Variants in LSAMP observed in about 807,000 individuals in gnomAD.
The protein encoded by LSAMP is limbic system-associated membrane protein.
A neutral mutation model predicts 38.6 loss-of-function variants in LSAMP; 7 were observed. That is an observed-to-expected ratio of 0.18 (90% CI 0.10 to 0.34). The LOEUF is 0.34. Among genes scored for constraint, LSAMP ranks in the 10% least tolerant of loss-of-function variants. The pLI, the probability that LSAMP is intolerant of heterozygous loss-of-function variation, is 1.00. For missense variants in LSAMP, 313 were observed against 420.0 expected, an observed-to-expected ratio of 0.75 and a Z score of 2.23; for synonymous variants, 154 against 166.8, an observed-to-expected ratio of 0.92 and a Z score of 0.59.
intron 2 of LSAMP, among the ~76,000 whole-genome samples, chr3:116,039,994 T>TG (rs1553762284): frequency 0.011 from 1,637 of 151,392 alleles, 29 homozygotes; most frequent in African/African-American, 0.036. Flanking sequence ...TGCCTCTCTT[T>TG]GGGGGGGGAA....
intron 6 of LSAMP, among the ~76,000 whole-genome samples, chr3:115,816,177 C>A (rs1478433082): frequency 6.6e-6 from 1 of 152,132 alleles, no homozygotes; most frequent in Non-Finnish European, 1.5e-5. Flanking sequence ...GTAAAGACAG[C>A]ACCTCAGAAT....
chr3:116,359,481 G>T (rs866155553), intron 1 of LSAMP, among the ~76,000 whole-genome samples: 24 of 152,210 alleles, frequency 1.6e-4, no homozygotes, highest in African/African-American at 4.6e-4. Context: ...ATGTGTAAAT[G>T]TTGCATAGCC....
At chr3:116,019,413 C>A in intron 3 of LSAMP, 102 bp downstream of exon 3, 1 of 1,400,068 alleles carries the variant, frequency 7.1e-7, no homozygotes, top group South Asian at 1.3e-5. Context: ...AATTTCAATT[C>A]TGATTCTGAA....
At chr3:116,417,347 C>T (rs2049065315) in intron 1 of LSAMP, among the ~76,000 whole-genome samples, 2 of 152,190 alleles carry the variant, frequency 1.3e-5, no homozygotes, top group Non-Finnish European at 2.9e-5. Flanking sequence ...CACGTGGAAA[C>T]CCATTTGGGA....
At chr3:115,844,976 C>G (rs1318514644) in intron 4 of LSAMP, among the ~76,000 whole-genome samples, 20 of 151,918 alleles carry the variant, frequency 1.3e-4, no homozygotes, top group Admixed American at 1.3e-3. Flanking sequence ...GACCCTGTCT[C>G]AAAAATAAAA....
chr3:115,911,557 T>A (rs1188563229), intron 3 of LSAMP, among the ~76,000 whole-genome samples: 1 of 152,108 alleles, frequency 6.6e-6, no homozygotes, highest in African/African-American at 2.4e-5. Flanking sequence ...TTGCCCAGGC[T>A]GGTCTCAAAC....
chr3:115,992,517 T>C (rs1036923639), intron 3 of LSAMP, among the ~76,000 whole-genome samples: 1 of 152,072 alleles, frequency 6.6e-6, no homozygotes, highest in Non-Finnish European at 1.5e-5. Flanking sequence ...GATTAGATGA[T>C]ACCACTGAGT....
chr3:116,161,689 T>C, intron 1 of LSAMP, among the ~76,000 whole-genome samples: 1 of 152,292 alleles, frequency 6.6e-6, no homozygotes, highest in African/African-American at 2.4e-5. Context: ...TTCCAAACTG[T>C]CTACAGATGG....
chr3:115,902,259 A>G (rs887430760), intron 3 of LSAMP, among the ~76,000 whole-genome samples: 1 of 152,066 alleles, frequency 6.6e-6, no homozygotes, highest in Non-Finnish European at 1.5e-5. Flanking sequence ...AAACTCACTG[A>G]AAGTAGGAAG....
chr3:115,874,057 G>A (rs1936117945), intron 3 of LSAMP, among the ~76,000 whole-genome samples: 1 of 152,074 alleles, frequency 6.6e-6, no homozygotes, highest in Non-Finnish European at 1.5e-5. Flanking sequence ...CTCTCTTGGA[G>A]CCTTTTCATA....
intron 1 of LSAMP, among the ~76,000 whole-genome samples, chr3:116,200,090 C>T (rs1423090932): frequency 2.6e-5 from 2 of 76,818 alleles, no homozygotes; most frequent in Non-Finnish European, 5.3e-5. Flanking sequence ...TTCAGTCTTA[C>T]TTTACACACA....
At chr3:116,021,437 TCA>T (rs1179436181) in intron 2 of LSAMP, among the ~76,000 whole-genome samples, 1 of 152,022 alleles carries the variant, frequency 6.6e-6, no homozygotes, top group Non-Finnish European at 1.5e-5. Context: ...TATTTCGAGT[TCA>T]CAGTTACTAA....
At chr3:116,202,528 T>A (rs977169053) in intron 1 of LSAMP, among the ~76,000 whole-genome samples, 2 of 152,030 alleles carry the variant, frequency 1.3e-5, no homozygotes, top group Non-Finnish European at 2.9e-5. Context: ...CACTGCAGCC[T>A]CTACCACCCA....
intron 3 of LSAMP, among the ~76,000 whole-genome samples, chr3:115,935,325 C>T (rs1248934727): frequency 6.6e-6 from 1 of 152,144 alleles, no homozygotes; most frequent in Non-Finnish European, 1.5e-5. Context: ...TGAGGGATGA[C>T]TTCTCTGCTT....
chr3:116,106,277 C>T lies in LSAMP; in HGVS notation c.156-19721G>A, dbSNP rs144928672. ...AATGGCTTGGAGAAACAGTGTAAACCGGCAGTGTAAACAAGAGCAGGGCAT... is the reference window on the plus strand; with the variant it reads ...AATGGCTTGGAGAAACAGTGTAAACTGGCAGTGTAAACAAGAGCAGGGCAT... On this transcript the variant is annotated intron_variant, in intron 1 of 6. Coordinates refer to ENST00000490035, the MANE Select transcript of LSAMP (RefSeq NM_002338.5). Among the ~76,000 whole-genome samples the T allele has an allele frequency of 3.5e-3, 531 of 152,084 alleles. 2 individuals are homozygous for T. The highest frequency in any genetic ancestry group is 0.012 in the African/African-American group (483 of 41,458).
In LSAMP at chr3:116,163,908, T is replaced by C. The variant is rs191196556; in HGVS notation, c.156-77352A>G. Among the ~76,000 whole-genome samples, 751 of 152,278 alleles carry C rather than the reference T, an allele frequency of 4.9e-3. 3 individuals are homozygous for C. Among genetic ancestry groups the C allele is most frequent in the Non-Finnish European group, 7.1e-3 (482 of 68,018 alleles). ...AACGAATAAGATCACACATATATAA[T>C]CTGGAGTTTTCAAAATGCTTTTGCA... On this transcript the variant is annotated intron_variant, in intron 1 of 6. Coordinates refer to ENST00000490035, the MANE Select transcript of LSAMP (RefSeq NM_002338.5).
At chr3:116,052,728 GC>G (rs1420562343) in intron 2 of LSAMP, among the ~76,000 whole-genome samples, 1 of 152,164 alleles carries the variant, frequency 6.6e-6, no homozygotes, top group African/African-American at 2.4e-5. Context: ...TTCAGAGAGG[GC>G]CTGCACTCAT....
chr3:116,071,084 TAAATAAATA>T (rs1707593966), intron 2 of LSAMP, among the ~76,000 whole-genome samples: 1 of 148,780 alleles, frequency 6.7e-6, no homozygotes. Context: ...AATAAATAAA[TAAATAAATA>T]AAATAATGTA....
At chr3:116,033,210 G>T (rs923632483) in intron 2 of LSAMP, among the ~76,000 whole-genome samples, 20 of 152,110 alleles carry the variant, frequency 1.3e-4, no homozygotes, top group African/African-American at 4.8e-4. Context: ...ACATGAAATG[G>T]TCTTTCTCCT....
Sources: gnomAD v4.1 joint callset for allele counts (sites outside exome capture counted in the v4.1 genomes callset) on GRCh38, gnomAD v4.1.1 for gene constraint, MANE v1.5 for transcripts, NCBI Gene and HGNC (gene_info 2026-07-23, HGNC 2026-07-21) for gene names.